DLG2: variants seen among roughly 807,000 people sequenced by gnomAD.
The protein encoded by DLG2 is discs large MAGUK scaffold protein 2.
In DLG2, 45 loss-of-function variants were observed where a neutral mutation model predicts 132.5. The ratio of observed to expected loss-of-function variants is 0.34; its 90% CI spans 0.27 to 0.44. The LOEUF (loss-of-function observed/expected upper bound fraction) is 0.44, where lower values mean the gene tolerates loss of function less well. DLG2 is among the 20% of genes least tolerant of loss of function. The pLI, the probability that DLG2 is intolerant of heterozygous loss-of-function variation, is 1.00. For missense variants in DLG2, 1,045 were observed against 1,196.9 expected, an observed-to-expected ratio of 0.87 and a Z score of 1.87; for synonymous variants, 424 against 419.6, an observed-to-expected ratio of 1.01 and a Z score of -0.13.
intron 7 of DLG2, among the ~76,000 whole-genome samples, chr11:84,446,141 A>C (rs1342454572): frequency 6.6e-6 from 1 of 151,746 alleles, no homozygotes; most frequent in Non-Finnish European, 1.5e-5. Context: ...TTCTATTTTT[A>C]CCTTAAATTT....
intron 10 of DLG2, among the ~76,000 whole-genome samples, chr11:84,075,495 G>A (rs1172442700): frequency 6.6e-6 from 1 of 152,068 alleles, no homozygotes; most frequent in East Asian, 1.9e-4. Flanking sequence ...AGTTAAGATT[G>A]GGTTGGTCAG....
intron 6 of DLG2, among the ~76,000 whole-genome samples, chr11:84,787,731 C>T (rs534906350): frequency 6.6e-6 from 1 of 152,030 alleles, no homozygotes; most frequent in Non-Finnish European, 1.5e-5. Context: ...CTTGAAGGCC[C>T]TCACCACTGG....
At chr11:85,072,101 C>T (rs1232456281) in intron 6 of DLG2, among the ~76,000 whole-genome samples, 1 of 151,866 alleles carries the variant, frequency 6.6e-6, no homozygotes, top group Non-Finnish European at 1.5e-5. Flanking sequence ...ATTCCCTCTT[C>T]AGTTCATTGT....
chr11:84,850,163 G>T (rs2082007501), intron 6 of DLG2, among the ~76,000 whole-genome samples: 1 of 152,106 alleles, frequency 6.6e-6, no homozygotes, highest in African/African-American at 2.4e-5. Context: ...GCTGCTTGAA[G>T]ATATATGTTG....
chr11:84,800,857 T>A (rs76996211), intron 6 of DLG2, among the ~76,000 whole-genome samples: 2,309 of 152,326 alleles, frequency 0.015, 71 homozygotes, highest in African/African-American at 0.052. Context: ...TTTACAAGTT[T>A]AATGACATGT....
chr11:83,479,641 G>GTGTT (rs559513107), intron 22 of DLG2, among the ~76,000 whole-genome samples: 25 of 152,210 alleles, frequency 1.6e-4, no homozygotes, highest in Non-Finnish European at 3.2e-4. Context: ...GATGTGATCG[G>GTGTT]TGTTTGGTGG....
chr11:83,925,785 T>C lies in DLG2; in HGVS notation c.1496+4543A>G, dbSNP rs183467794. On this transcript the variant is annotated intron_variant, in intron 15 of 27. Coordinates refer to ENST00000376104, the MANE Select transcript of DLG2 (RefSeq NM_001142699.3). The stretch of plus-strand genomic sequence containing the variant: ...TTATGTAAAAGGACAAATAAATGTA[T>C]GCCATAAATATTGATAAAACAGCCA... 3.2e-3 allele frequency among the ~76,000 whole-genome samples: 486 copies of C among 152,238 alleles called. 1 individual carries two copies. Among genetic ancestry groups the C allele is most frequent in the Non-Finnish European group, 5.6e-3 (381 of 67,986 alleles).
intron 18 of DLG2, among the ~76,000 whole-genome samples, chr11:83,682,867 C>G (rs1246888945): frequency 2.6e-5 from 4 of 152,206 alleles, no homozygotes; most frequent in South Asian, 4.1e-4. Context: ...AGTCCTACCC[C>G]CTTACTGAGC....
chr11:83,660,770 G>T (rs2074044715), intron 18 of DLG2, among the ~76,000 whole-genome samples: 1 of 152,078 alleles, frequency 6.6e-6, no homozygotes, highest in African/African-American at 2.4e-5. Flanking sequence ...ATGGAAAAAA[G>T]TGATGGAAAG....
At chr11:83,917,779 G>T (rs1302923537) in intron 15 of DLG2, among the ~76,000 whole-genome samples, 1 of 152,128 alleles carries the variant, frequency 6.6e-6, no homozygotes, top group Admixed American at 6.6e-5. Context: ...TCTACTACGT[G>T]CTCATGTGTC....
chr11:85,364,059 T>C (rs1259490900), intron 3 of DLG2, among the ~76,000 whole-genome samples: 2 of 152,202 alleles, frequency 1.3e-5, no homozygotes, highest in Admixed American at 1.3e-4. Context: ...AGACCAATGT[T>C]CTACAGATGA....
chr11:84,220,125 T>C (rs2096893328), intron 8 of DLG2, among the ~76,000 whole-genome samples: 1 of 152,234 alleles, frequency 6.6e-6, no homozygotes, highest in East Asian at 1.9e-4. Flanking sequence ...TGTCTCTCTT[T>C]ATTTGTATAT....
intron 8 of DLG2, among the ~76,000 whole-genome samples, chr11:84,205,069 A>G (rs963292935): frequency 4.6e-5 from 7 of 152,230 alleles, no homozygotes; most frequent in African/African-American, 1.7e-4. Flanking sequence ...TAAAGCTAAC[A>G]CAAATCATAA....
chr11:84,558,424 T>A (rs2099416369), intron 6 of DLG2, among the ~76,000 whole-genome samples: 1 of 152,136 alleles, frequency 6.6e-6, no homozygotes, highest in African/African-American at 2.4e-5. Flanking sequence ...TTCCTAAAAA[T>A]TGTGGCATCT....
At chr11:85,500,874 C>A (rs1422577577) in intron 3 of DLG2, among the ~76,000 whole-genome samples, 3 of 152,208 alleles carry the variant, frequency 2.0e-5, no homozygotes, top group Non-Finnish European at 2.9e-5. Context: ...ATGCTATCCC[C>A]ATCAAGTTAC....
intron 6 of DLG2, among the ~76,000 whole-genome samples, chr11:84,628,105 C>CATAT (rs1594238629): frequency 9.3e-6 from 1 of 108,086 alleles, no homozygotes; most frequent in South Asian, 3.5e-4. Flanking sequence ...CATATATACA[C>CATAT]ACATATATAT....
intron 14 of DLG2, among the ~76,000 whole-genome samples, chr11:83,959,222 A>T (rs72947785): frequency 6.1e-4 from 93 of 151,802 alleles, no homozygotes; most frequent in Non-Finnish European, 1.2e-3. Flanking sequence ...GAAATAGATT[A>T]AAAAATCTAC....
intron 7 of DLG2, among the ~76,000 whole-genome samples, chr11:84,361,906 A>G (rs1270595469): frequency 1.3e-5 from 2 of 151,986 alleles, no homozygotes; most frequent in Non-Finnish European, 2.9e-5. Flanking sequence ...TAAAAGAAAT[A>G]TAGGTAATAA....
rs549295390 is a variant in DLG2, at chr11:83,941,690, G to A, written c.1341-11207C>T. Among the ~76,000 whole-genome samples the A allele has an allele frequency of 2.8e-4, 42 of 152,128 alleles. No individual in the cohort carries two copies. The South Asian group carries it at 6.6e-3, about 24-fold the overall frequency. On this transcript the variant is annotated intron_variant, in intron 14 of 27. Coordinates refer to ENST00000376104, the MANE Select transcript of DLG2 (RefSeq NM_001142699.3). ...ATGACAGGTGTAAGCCACCACACCC[G>A]GTCTGCTACATGCTTTTAAATCAGC...
Sources: allele counts gnomAD v4.1 joint callset (sites outside exome capture counted in the v4.1 genomes callset), GRCh38; gene constraint gnomAD v4.1.1; transcripts MANE v1.5; gene names NCBI Gene and HGNC (gene_info 2026-07-23, HGNC 2026-07-21).